The following NELL1 variants were observed in gnomAD, a reference collection of about 807,000 sequenced individuals.
NELL1 encodes the protein protein kinase C-binding protein NELL1.
NELL1 carries 76 observed loss-of-function variants against 107.4 expected under a neutral mutation model. The observed-to-expected ratio is 0.71, with a 90% CI of 0.59 to 0.86. The LOEUF (loss-of-function observed/expected upper bound fraction) is 0.86. NELL1 is among the 40% of genes least tolerant of loss of function. The pLI is 0.00. For missense variants in NELL1, 1,024 were observed against 1,005.5 expected (o/e 1.02, Z -0.25); for synonymous variants, 353 against 341.2 (o/e 1.03, Z -0.38).
At chr11:21,292,603 A>C (rs1456842785) in intron 14 of NELL1, among the ~76,000 whole-genome samples, 1 of 152,168 alleles carries the variant, frequency 6.6e-6, no homozygotes, top group East Asian at 1.9e-4. Flanking sequence ...TGGAACCAAA[A>C]AGGAGCCTGC....
intron 3 of NELL1, among the ~76,000 whole-genome samples, chr11:20,807,063 T>G (rs796782186): frequency 1.3e-4 from 20 of 152,138 alleles, no homozygotes; most frequent in African/African-American, 3.1e-4. Context: ...AGTTTTTTTT[T>G]TTTTTGTTGG....
chr11:20,799,939 A>T (rs924988409), intron 3 of NELL1, among the ~76,000 whole-genome samples: 4 of 152,106 alleles, frequency 2.6e-5, no homozygotes, highest in Non-Finnish European at 4.4e-5. Flanking sequence ...GTTCCCACTT[A>T]TAAGTAAGAA....
chr11:20,888,151 T>G (rs1197898088), intron 5 of NELL1, among the ~76,000 whole-genome samples: 1 of 151,990 alleles, frequency 6.6e-6, no homozygotes, highest in East Asian at 1.9e-4. Context: ...TCAGTGAACC[T>G]GCTAAACAGA....
In NELL1 at chr11:20,997,933, T is replaced by C. The variant is rs562571794; in HGVS notation, c.1300+37373T>C. On this transcript the variant is annotated intron_variant, in intron 12 of 19. Coordinates refer to ENST00000357134, the MANE Select transcript of NELL1 (RefSeq NM_006157.5). ...ATTTCAGTGAGCCATGATCACACCA[T>C]TGCATTCCAGCCTGGGTGATAGACC... is the stretch of plus-strand genomic sequence containing the variant. Among the ~76,000 whole-genome samples the C allele has an allele frequency of 1.2e-4, 19 of 152,196 alleles. 1 individual carries two copies. The East Asian group carries it at 3.5e-3, about 28-fold the overall frequency.
At chr11:21,483,990 C>CATATATATATATATATAT (rs781565679) in intron 15 of NELL1, among the ~76,000 whole-genome samples, 4 of 88,404 alleles carry the variant, frequency 4.5e-5, no homozygotes, top group South Asian at 3.8e-4. Flanking sequence ...TTTTACTTAA[C>CATATATATATATATATAT]ATATATATAT....
chr11:21,369,362 A>ATTTTTTTTT (rs34302489), intron 14 of NELL1, among the ~76,000 whole-genome samples: 1 of 110,416 alleles, frequency 9.1e-6, no homozygotes, highest in Non-Finnish European at 1.9e-5. Flanking sequence ...GGTAGGTACT[A>ATTTTTTTTT]TTTTTTTTTT....
At chr11:20,787,875 C>T (rs1856999771) in intron 3 of NELL1, among the ~76,000 whole-genome samples, 2 of 152,186 alleles carry the variant, frequency 1.3e-5, no homozygotes, top group African/African-American at 4.8e-5. Flanking sequence ...CCATAAGCTC[C>T]CAAGCCTTAG....
intron 12 of NELL1, among the ~76,000 whole-genome samples, chr11:21,020,957 G>C (rs1054664010): frequency 2.7e-5 from 4 of 148,980 alleles, no homozygotes; most frequent in African/African-American, 1.0e-4. Flanking sequence ...CGATAATCAG[G>C]AAAAAATCCT....
chr11:20,680,487 T>A, intron 2 of NELL1, among the ~76,000 whole-genome samples: 1 of 152,140 alleles, frequency 6.6e-6, no homozygotes, highest in Non-Finnish European at 1.5e-5. Flanking sequence ...AAAATTTCTC[T>A]TTATTGTGGT....
intron 14 of NELL1, among the ~76,000 whole-genome samples, chr11:21,337,772 C>CTTTCTT (rs1565175288): frequency 7.1e-6 from 1 of 141,268 alleles, no homozygotes. Context: ...TTCTTTCTTT[C>CTTTCTT]TTTCTTTCTT....
intron 12 of NELL1, among the ~76,000 whole-genome samples, chr11:21,080,459 TC>T (rs1442029268): frequency 6.6e-6 from 1 of 152,142 alleles, no homozygotes; most frequent in Non-Finnish European, 1.5e-5. Flanking sequence ...GTTAAATACC[TC>T]CTTTTTCACT....
At chr11:20,714,498 A>G (rs1005846518) in intron 2 of NELL1, among the ~76,000 whole-genome samples, 2 of 148,168 alleles carry the variant, frequency 1.3e-5, no homozygotes, top group Non-Finnish European at 3.0e-5. Flanking sequence ...GTGAACCATC[A>G]TGCCTGGCCC....
intron 14 of NELL1, among the ~76,000 whole-genome samples, chr11:21,276,657 G>T (rs973612934): frequency 6.6e-6 from 1 of 152,104 alleles, no homozygotes; most frequent in African/African-American, 2.4e-5. Context: ...ATACTACAAG[G>T]CTACAGTAAC....
At chr11:21,082,389 A>T (rs1249880674) in intron 12 of NELL1, among the ~76,000 whole-genome samples, 1 of 152,212 alleles carries the variant, frequency 6.6e-6, no homozygotes, top group Non-Finnish European at 1.5e-5. Context: ...GCAACTGCAG[A>T]ATACCTACTA....
intron 5 of NELL1, among the ~76,000 whole-genome samples, chr11:20,904,919 C>T (rs1288946363): frequency 6.6e-6 from 1 of 151,858 alleles, no homozygotes; most frequent in Non-Finnish European, 1.5e-5. Flanking sequence ...GCCTTGACCT[C>T]CTGGGCTCGT....
chr11:21,218,066 C>G (rs552691420), intron 13 of NELL1, among the ~76,000 whole-genome samples: 1 of 152,248 alleles, frequency 6.6e-6, no homozygotes, highest in East Asian at 1.9e-4. Context: ...GAAGAAATAG[C>G]TTGGTGTGAC....
intron 2 of NELL1, among the ~76,000 whole-genome samples, chr11:20,755,891 T>G (rs1186912782): frequency 0.016 from 2,122 of 130,626 alleles, 145 homozygotes; most frequent in African/African-American, 0.07. Context: ...TTTTTTTTTT[T>G]TTTTTTTTTT....
At chr11:20,975,967 T>TA (rs1851618498) in intron 12 of NELL1, among the ~76,000 whole-genome samples, 3 of 99,174 alleles carry the variant, frequency 3.0e-5, no homozygotes, top group African/African-American at 8.8e-5. Flanking sequence ...TATATATACA[T>TA]TATATATATT....
rs577801938 is a variant in NELL1, at chr11:21,390,556, C to T, written c.1645+19608C>T. On this transcript the variant is annotated intron_variant, in intron 15 of 19. Transcript: ENST00000357134. The stretch of plus-strand genomic sequence containing the variant: ...ACACACACGTGCGCACGCACCCAAA[C>T]ACTTCCCATTTCTCTATTCTGTATA... 9.2e-5 allele frequency among the ~76,000 whole-genome samples: 14 copies of T among 151,414 alleles called. No homozygotes were observed. The East Asian group carries it at 2.0e-3, about 21-fold the overall frequency.
Sources: allele counts gnomAD v4.1 joint callset (sites outside exome capture counted in the v4.1 genomes callset), GRCh38; gene constraint gnomAD v4.1.1; transcripts MANE v1.5; gene names NCBI Gene and HGNC (gene_info 2026-07-23, HGNC 2026-07-21).